Variants in TJP2 observed in about 807,000 individuals in gnomAD.
TJP2 encodes Friedreich ataxia region gene X104 (tight junction protein ZO-2).
TJP2 carries 91 observed loss-of-function variants against 133.1 expected under a neutral mutation model. The observed-to-expected ratio is 0.68, with a 90% CI of 0.58 to 0.81. TJP2 has a LOEUF of 0.81. Among genes scored for constraint, TJP2 ranks in the 40% least tolerant of loss-of-function variants. The pLI is 0.00. For synonymous variants in TJP2, 592 were observed against 583.4 expected (o/e 1.01, Z -0.21); for missense variants, 1,541 against 1,565.6 (o/e 0.98, Z 0.26).
intron 1 of TJP2, chr9:69,151,590 C>A: frequency 8.1e-7 from 1 of 1,231,138 alleles, no homozygotes; most frequent in South Asian, 4.2e-5. Context: ...GTGCATTTCC[C>A]AAAATCTTAC....
intron 1 of TJP2, among the ~76,000 whole-genome samples, chr9:69,190,919 T>C (rs3002382): frequency 0.46 from 70,634 of 152,052 alleles, 16,669 homozygotes; most frequent in South Asian, 0.53. Context: ...CTAAAATATT[T>C]ATTGTCAGGC....
At chr9:69,239,204 A>G (rs142532857) in intron 16 of TJP2, among the ~76,000 whole-genome samples, 3 of 151,948 alleles carry the variant, frequency 2.0e-5, no homozygotes, top group African/African-American at 7.3e-5. Flanking sequence ...ATATATATAT[A>G]ATGTAAATGC....
At chr9:69,184,512 C>T (rs1164820342) in intron 1 of TJP2, among the ~76,000 whole-genome samples, 17 of 152,094 alleles carry the variant, frequency 1.1e-4, no homozygotes, top group Admixed American at 1.1e-3. Context: ...ATGGCTTCTG[C>T]TTTCCTTCAT....
chr9:69,214,877 A>AC (rs1554658895), intron 2 of TJP2, among the ~76,000 whole-genome samples: 4 of 151,782 alleles, frequency 2.6e-5, no homozygotes, highest in African/African-American at 7.3e-5. Flanking sequence ...AAAAAAAAAA[A>AC]AAACAAACAA....
intron 2 of TJP2, among the ~76,000 whole-genome samples, chr9:69,155,201 AG>A (rs1255579960): frequency 7.1e-6 from 1 of 141,618 alleles, no homozygotes; most frequent in Non-Finnish European, 1.5e-5. Context: ...CCTGGGTGAA[AG>A]GGCGAAAGAG....
intron 2 of TJP2, among the ~76,000 whole-genome samples, chr9:69,153,275 C>T (rs1823578259): frequency 1.3e-5 from 2 of 151,990 alleles, no homozygotes; most frequent in African/African-American, 4.8e-5. Flanking sequence ...CAGATACCTG[C>T]TCAGACTCCA....
chr9:69,236,228 A>C lies in TJP2; in HGVS notation c.1981A>C (p.Asn661His), dbSNP rs756024512. The change falls in exon 13 of 23, where the codon AAC becomes CAC. Residue 661 changes from asparagine to histidine, a missense_variant. Transcript: ENST00000377245. ...CGAGTTGGAGAAAGGCTTAATCCCC[A>C]ACAAGAGCAGGTAACAGAGATCGCA... ...GNELEKGLIP[N>H]KSRAEQMASV... 3.1e-6 allele frequency: 5 copies of C among 1,613,894 alleles called. No individual in the cohort carries two copies. The African/African-American group carries it at 5.3e-5, about 17-fold the overall frequency.
intron 5 of TJP2, among the ~76,000 whole-genome samples, chr9:69,225,022 G>C (rs994000403): frequency 2.0e-5 from 3 of 152,112 alleles, no homozygotes; most frequent in Non-Finnish European, 2.9e-5. Flanking sequence ...TGCTCCAAAT[G>C]ATGTAACTCA....
At chr9:69,242,122 G>A (rs919066338) in intron 17 of TJP2, among the ~76,000 whole-genome samples, 5 of 152,216 alleles carry the variant, frequency 3.3e-5, no homozygotes, top group African/African-American at 7.2e-5. Flanking sequence ...GCGGCTGGAC[G>A]AGGAGAGCAG....
chr9:69,157,288 G>A lies in TJP2; in HGVS notation c.-10+5517G>A, dbSNP rs546542417. Among the ~76,000 whole-genome samples, 12 of 152,248 alleles carry A rather than the reference G, an allele frequency of 7.9e-5. 1 individual carries two copies. In the South Asian group the frequency reaches 1.5e-3, roughly 18 times the overall value. ...GTTACTCAAACATGTTACTTCCATC[G>A]TCTTATTTCTCATACCCATCCCATG... On this transcript the variant is annotated intron_variant, in intron 2 of 5. Coordinates refer to the TJP2 transcript ENST00000423935.
At chr9:69,194,642 G>A (rs1826423983) in intron 1 of TJP2, among the ~76,000 whole-genome samples, 1 of 152,148 alleles carries the variant, frequency 6.6e-6, no homozygotes, top group African/African-American at 2.4e-5. Flanking sequence ...CGTCACCATG[G>A]TAGAAACTTC....
chr9:69,233,806 T>C (rs1829967810), intron 11 of TJP2, among the ~76,000 whole-genome samples: 1 of 152,176 alleles, frequency 6.6e-6, no homozygotes, highest in Non-Finnish European at 1.5e-5. Flanking sequence ...CACTATGATT[T>C]CAAAATGTCT....
chr9:69,234,850 C>T lies in TJP2; in HGVS notation c.1780+303C>T, dbSNP rs10867187. 0.22 allele frequency among the ~76,000 whole-genome samples: 33,284 copies of T among 152,074 alleles called. 3,982 individuals are homozygous for T. Among genetic ancestry groups the T allele is most frequent in the East Asian group, 0.43 (2,225 of 5,168 alleles). Reference sequence around the variant, plus strand: ...CTGGAGTTATTAGTGAGTTTACATACGACATGTGCAAAGGCCATGGCTGCT... The same window carrying T: ...CTGGAGTTATTAGTGAGTTTACATATGACATGTGCAAAGGCCATGGCTGCT... On this transcript the variant is annotated intron_variant, in intron 12 of 22. Coordinates refer to ENST00000377245, the MANE Select transcript of TJP2 (RefSeq NM_004817.4).
intron 1 of TJP2, among the ~76,000 whole-genome samples, chr9:69,123,116 A>C (rs1024148474): frequency 1.3e-5 from 2 of 152,126 alleles, no homozygotes; most frequent in Non-Finnish European, 2.9e-5. Flanking sequence ...TGGCCTAGGT[A>C]TGTTGGAGTG....
At chr9:69,219,741 A>G (rs765933949) in intron 4 of TJP2, among the ~76,000 whole-genome samples, 43 of 152,138 alleles carry the variant, frequency 2.8e-4, no homozygotes, top group Non-Finnish European at 5.0e-4. Context: ...TGTCTTTGAT[A>G]TATGTTTTCT....
chr9:69,153,996 G>A (rs184951533), intron 2 of TJP2, among the ~76,000 whole-genome samples: 15 of 152,292 alleles, frequency 9.8e-5, no homozygotes, highest in African/African-American at 3.6e-4. Context: ...TGCCAAGCAA[G>A]GGGCAAGGTG....
At chr9:69,125,568 G>T (rs1416726060) in intron 1 of TJP2, among the ~76,000 whole-genome samples, 1 of 75,244 alleles carries the variant, frequency 1.3e-5, no homozygotes, top group Non-Finnish European at 3.0e-5. Context: ...ACCTTCCAAA[G>T]TGCTGAGATT....
At chr9:69,165,025 TCAC>T (rs1395639603) in intron 2 of TJP2, among the ~76,000 whole-genome samples, 1 of 152,180 alleles carries the variant, frequency 6.6e-6, no homozygotes, top group Non-Finnish European at 1.5e-5. Context: ...AGACGGGGTG[TCAC>T]CACATTGGCC....
chr9:69,172,525 C>A (rs1169846363), upstream of TJP2, among the ~76,000 whole-genome samples: 1 of 152,116 alleles, frequency 6.6e-6, no homozygotes, highest in Admixed American at 6.5e-5. Context: ...TTACTGGTGG[C>A]AAGTGGTCAT....
Sources: gnomAD v4.1 joint callset for allele counts (sites outside exome capture counted in the v4.1 genomes callset) on GRCh38, gnomAD v4.1.1 for gene constraint, MANE v1.5 for transcripts, NCBI Gene and HGNC (gene_info 2026-07-23, HGNC 2026-07-21) for gene names.